MAST4: variants seen among roughly 807,000 people sequenced by gnomAD.
The protein encoded by MAST4 is microtubule associated serine/threonine kinase family member 4.
Under a neutral mutation model 162.7 loss-of-function variants are expected in MAST4, and 89 were observed. That is an observed-to-expected ratio of 0.55 (90% CI 0.46 to 0.65). The LOEUF (loss-of-function observed/expected upper bound fraction) is 0.65, where lower values mean the gene tolerates loss of function less well. MAST4 is among the 30% of genes least tolerant of loss of function. The pLI, the probability that MAST4 is intolerant of heterozygous loss-of-function variation, is 0.00. For missense variants in MAST4, 3,153 were observed against 3,374.0 expected (o/e 0.93, Z 1.62); for synonymous variants, 1,479 against 1,361.1 (o/e 1.09, Z -1.91).
intron 1 of MAST4, 35 bp downstream of exon 1, chr5:66,597,053 C>A: frequency 7.2e-7 from 1 of 1,389,102 alleles, no homozygotes; most frequent in South Asian, 1.6e-5. Context: ...CTCTGGGTTC[C>A]GGCAGCCGGG....
chr5:66,680,832 T>G (rs1370842730), intron 1 of MAST4, among the ~76,000 whole-genome samples: 1 of 152,208 alleles, frequency 6.6e-6, no homozygotes, highest in African/African-American at 2.4e-5. Context: ...GCAAGATCTT[T>G]CAGGAGCCTC....
At chr5:67,017,592 T>A (rs889913083) in intron 4 of MAST4, among the ~76,000 whole-genome samples, 1 of 150,660 alleles carries the variant, frequency 6.6e-6, no homozygotes, top group East Asian at 1.9e-4. Flanking sequence ...TTTCTTTCTT[T>A]CTTTTTTCTT....
chr5:66,597,065 G>T, intron 1 of MAST4, 47 bp downstream of exon 1: 1 of 1,369,570 alleles, frequency 7.3e-7, no homozygotes, highest in South Asian at 1.8e-5. Flanking sequence ...GCAGCCGGGC[G>T]ACCGTAGTTT....
intron 3 of MAST4, among the ~76,000 whole-genome samples, chr5:66,826,352 T>G (rs1017994558): frequency 1.3e-5 from 2 of 151,820 alleles, no homozygotes; most frequent in South Asian, 4.3e-4. Flanking sequence ...AAACATACTT[T>G]TCGTCCTTAG....
intron 23 of MAST4, among the ~76,000 whole-genome samples, chr5:67,146,743 G>T (rs555223438): frequency 1.3e-5 from 2 of 152,268 alleles, no homozygotes; most frequent in Admixed American, 1.3e-4. Flanking sequence ...CTTCACTTCA[G>T]TTCTGTTTTC....
chr5:66,675,488 C>G (rs1317359449), intron 1 of MAST4, among the ~76,000 whole-genome samples: 2 of 152,138 alleles, frequency 1.3e-5, no homozygotes, highest in Admixed American at 1.3e-4. Flanking sequence ...AAAGGCCTTT[C>G]CTGAACTCCC....
At chr5:67,064,674 GT>G (rs1222765318) in intron 5 of MAST4, among the ~76,000 whole-genome samples, 1 of 152,178 alleles carries the variant, frequency 6.6e-6, no homozygotes, top group Non-Finnish European at 1.5e-5. Context: ...CCATAATTTA[GT>G]TGCCAAGGTG....
intron 4 of MAST4, among the ~76,000 whole-genome samples, chr5:66,912,851 T>C (rs1763866683): frequency 6.6e-6 from 1 of 152,274 alleles, no homozygotes; most frequent in African/African-American, 2.4e-5. Context: ...TCAAATTGGT[T>C]TTCATAAGGG....
At chr5:66,625,276 C>T (rs986805286) in intron 1 of MAST4, among the ~76,000 whole-genome samples, 3 of 152,098 alleles carry the variant, frequency 2.0e-5, no homozygotes, top group East Asian at 1.9e-4. Context: ...ACCTCTGTTG[C>T]ATTCGGTTTC....
chr5:66,993,728 A>C (rs997148056), intron 4 of MAST4, among the ~76,000 whole-genome samples: 1 of 152,198 alleles, frequency 6.6e-6, no homozygotes, highest in African/African-American at 2.4e-5. Context: ...GCACATAAAC[A>C]ACAGAGGGCA....
rs373088506 is a variant in MAST4, at chr5:67,136,639, G to A, written c.2469G>A (p.Gln823=). ...AQDLITLLLR[Q]NPLERLGTGG... ...ATCTGATTACCTTACTCCTCAGGCA[G>A]AATCCCCTGGAGAGGCTGGGAACAG... The change falls in exon 19 of 29, where the codon CAG becomes CAA. Residue 823 remains glutamine (Q), a synonymous_variant. Transcript: ENST00000403625. The A allele has an allele frequency of 2.2e-5, 36 of 1,600,998 alleles. No individual in the cohort carries two copies. Among genetic ancestry groups the A allele is most frequent in the Non-Finnish European group, 2.9e-5 (34 of 1,173,510 alleles).
intron 3 of MAST4, among the ~76,000 whole-genome samples, chr5:66,879,441 A>G (rs1242594758): frequency 2.0e-5 from 3 of 152,084 alleles, no homozygotes; most frequent in Non-Finnish European, 4.4e-5. Flanking sequence ...TCTGGTTTCT[A>G]AAACTGGAAA....
intron 5 of MAST4, among the ~76,000 whole-genome samples, chr5:67,075,781 AT>A (rs1444134324): frequency 1.3e-5 from 2 of 152,194 alleles, no homozygotes; most frequent in Admixed American, 1.3e-4. Flanking sequence ...TTGCTAGCAC[AT>A]TTTTAAGTTT....
At chr5:67,122,857 C>T (rs938910295) in intron 14 of MAST4, among the ~76,000 whole-genome samples, 5 of 152,152 alleles carry the variant, frequency 3.3e-5, no homozygotes, top group Non-Finnish European at 7.3e-5. Flanking sequence ...GTTAAACAAG[C>T]TGTGAATCAG....
At chr5:66,964,101 C>A in intron 4 of MAST4, 1 of 524,212 alleles carries the variant, frequency 1.9e-6, no homozygotes, top group South Asian at 1.6e-5. Flanking sequence ...TTATTGGTTT[C>A]TAGAAAACAT....
Position 66,596,821 on chromosome 5 carries a change from G to C in MAST4, c.166G>C (p.Gly56Arg). ...ETLSEEGEPG[G>R]FSREHQPPPP... ...TCTGTCGGAGGAAGGGGAGCCCGGC[G>C]GCTTCTCCAGAGAGCATCAGCCGCC... The change falls in exon 1 of 29, where the codon GGC becomes CGC. Residue 56 changes from glycine to arginine, a missense_variant. Transcript: ENST00000403625. 1 of 1,317,178 alleles carries C rather than the reference G, an allele frequency of 7.6e-7. No individual in the cohort carries two copies. Among genetic ancestry groups the C allele is most frequent in the South Asian group, 2.4e-5 (1 of 42,128 alleles). 81.6% of individuals were successfully genotyped at this position (1,317,178 alleles called of 1,614,324 possible). A position where few individuals can be genotyped will look rare whatever the true frequency, so the allele number is the denominator to read the frequency against.
At chr5:67,073,895 T>G (rs1486040149) in intron 5 of MAST4, among the ~76,000 whole-genome samples, 1 of 152,138 alleles carries the variant, frequency 6.6e-6, no homozygotes, top group Non-Finnish European at 1.5e-5. Context: ...AGTTGAACAT[T>G]TAATATATTT....
intron 1 of MAST4, among the ~76,000 whole-genome samples, chr5:66,725,219 T>C (rs1369431433): frequency 6.6e-6 from 1 of 152,184 alleles, no homozygotes; most frequent in African/African-American, 2.4e-5. Context: ...AAGATGGCTT[T>C]ATGCTTTTTT....
At chr5:66,664,873 C>T (rs1012476244) in intron 1 of MAST4, among the ~76,000 whole-genome samples, 2 of 151,986 alleles carry the variant, frequency 1.3e-5, no homozygotes, top group East Asian at 1.9e-4. Flanking sequence ...GTGAAATAGT[C>T]AAAATGAAGA....
Sources: gnomAD v4.1 joint callset for allele counts (sites outside exome capture counted in the v4.1 genomes callset) on GRCh38, gnomAD v4.1.1 for gene constraint, MANE v1.5 for transcripts, NCBI Gene and HGNC (gene_info 2026-07-23, HGNC 2026-07-21) for gene names.